SORCS1: variants seen among roughly 807,000 people sequenced by gnomAD.
SORCS1 encodes the protein sortilin related VPS10 domain containing receptor 1, also known as VPS10 domain-containing receptor SorCS1.
Under a neutral mutation model 146.1 loss-of-function variants are expected in SORCS1, and 60 were observed. The observed-to-expected ratio is 0.41, with a 90% CI of 0.33 to 0.51. SORCS1 has a LOEUF of 0.51. Among genes scored for constraint, SORCS1 ranks in the 20% least tolerant of loss-of-function variants. The probability of loss-of-function intolerance (pLI) is 0.21; values close to 1 mark genes in which losing one functional copy is unlikely to be tolerated. For synonymous variants in SORCS1, 637 were observed against 584.0 expected (o/e 1.09, Z -1.31); for missense variants, 1,352 against 1,487.6 (o/e 0.91, Z 1.50).
intron 2 of SORCS1, among the ~76,000 whole-genome samples, chr10:106,832,689 C>T (rs888676772): frequency 2.0e-5 from 3 of 151,778 alleles, no homozygotes; most frequent in East Asian, 1.9e-4. Flanking sequence ...TACCTGGGGG[C>T]GGGGATGGTG....
the SORCS1 span, among the ~76,000 whole-genome samples, chr10:107,170,583 A>C: frequency 6.6e-6 from 1 of 152,228 alleles, no homozygotes; most frequent in East Asian, 1.9e-4. Context: ...CAACTCTATA[A>C]AATGTACAGT....
At chr10:106,948,040 T>C (rs1954449702) in intron 2 of SORCS1, among the ~76,000 whole-genome samples, 1 of 152,190 alleles carries the variant, frequency 6.6e-6, no homozygotes, top group South Asian at 2.1e-4. Flanking sequence ...TTTTTTTCAA[T>C]GCATTCATCT....
At chr10:106,761,465 A>C in intron 5 of SORCS1, 123 bp downstream of exon 5, 1 of 766,650 alleles carries the variant, frequency 1.3e-6, no homozygotes, top group Non-Finnish European at 2.3e-6. Flanking sequence ...GGATGTGGGC[A>C]TGTCCCAATA....
intron 2 of SORCS1, among the ~76,000 whole-genome samples, chr10:106,851,740 A>G (rs996247050): frequency 4.6e-5 from 7 of 152,260 alleles, no homozygotes; most frequent in African/African-American, 1.4e-4. Context: ...CCACAAAATA[A>G]CTTGCTACAT....
intron 1 of SORCS1, among the ~76,000 whole-genome samples, chr10:107,160,408 A>G (rs116111150): frequency 0.019 from 2,853 of 152,280 alleles, 73 homozygotes; most frequent in African/African-American, 0.063. Flanking sequence ...ACACCTACAC[A>G]TGACATTTCT....
At chr10:107,146,911 G>A (rs777417854) in intron 1 of SORCS1, among the ~76,000 whole-genome samples, 4 of 152,026 alleles carry the variant, frequency 2.6e-5, no homozygotes, top group Admixed American at 1.3e-4. Context: ...CATGTCTAGC[G>A]AATAATAACA....
chr10:106,864,998 C>T (rs1343848600), intron 2 of SORCS1, among the ~76,000 whole-genome samples: 1 of 152,032 alleles, frequency 6.6e-6, no homozygotes, highest in Non-Finnish European at 1.5e-5. Flanking sequence ...CCTGAGACAG[C>T]TCCCAGAGGG....
intron 24 of SORCS1, among the ~76,000 whole-genome samples, chr10:106,583,661 G>A (rs891790827): frequency 6.6e-6 from 1 of 151,808 alleles, no homozygotes; most frequent in Non-Finnish European, 1.5e-5. Flanking sequence ...CTGCCACCAC[G>A]CATGGCTAAT....
chr10:107,136,041 T>C (rs1220168713), intron 1 of SORCS1, among the ~76,000 whole-genome samples: 1 of 152,142 alleles, frequency 6.6e-6, no homozygotes, highest in African/African-American at 2.4e-5. Flanking sequence ...AAATAACCTC[T>C]GGTTTTTCTT....
At chr10:107,031,973 T>C (rs1481919521) in intron 1 of SORCS1, among the ~76,000 whole-genome samples, 1 of 152,226 alleles carries the variant, frequency 6.6e-6, no homozygotes. Context: ...TATTCCATCA[T>C]GTTTAGAATC....
chr10:107,169,239 C>G (rs1736084708), upstream of SORCS1, among the ~76,000 whole-genome samples: 1 of 152,128 alleles, frequency 6.6e-6, no homozygotes, highest in African/African-American at 2.4e-5. Context: ...TTTGGCTCCC[C>G]TTGGATACCA....
chr10:106,907,436 G>GA (rs11366220), intron 2 of SORCS1, among the ~76,000 whole-genome samples: 1 of 151,716 alleles, frequency 6.6e-6, no homozygotes, highest in Non-Finnish European at 1.5e-5. Context: ...CATACATACA[G>GA]AAAAAAAGGA....
intron 2 of SORCS1, among the ~76,000 whole-genome samples, chr10:106,911,581 G>A (rs1952156723): frequency 6.6e-6 from 1 of 152,062 alleles, no homozygotes; most frequent in African/African-American, 2.4e-5. Context: ...CGATGTCACT[G>A]ACCCCACTAA....
intron 5 of SORCS1, among the ~76,000 whole-genome samples, chr10:106,739,875 C>T (rs1166206509): frequency 6.6e-6 from 1 of 151,470 alleles, no homozygotes; most frequent in Admixed American, 6.6e-5. Flanking sequence ...TGGCGTCAAC[C>T]CGGAGGCAGA....
chr10:106,932,032 G>C (rs1025200651), intron 2 of SORCS1, among the ~76,000 whole-genome samples: 2 of 152,084 alleles, frequency 1.3e-5, no homozygotes, highest in Non-Finnish European at 2.9e-5. Context: ...GCTTAGGAAA[G>C]CACAGGGTTT....
At chr10:106,869,280 C>G (rs960389612) in intron 2 of SORCS1, among the ~76,000 whole-genome samples, 1 of 152,152 alleles carries the variant, frequency 6.6e-6, no homozygotes, top group African/African-American at 2.4e-5. Context: ...GAGCTGGTAC[C>G]ATTCTTACTG....
chr10:106,726,417 A>G (rs1856196427), intron 6 of SORCS1, among the ~76,000 whole-genome samples: 1 of 148,352 alleles, frequency 6.7e-6, no homozygotes, highest in Non-Finnish European at 1.5e-5. Flanking sequence ...GAACTGATAC[A>G]TTTCATGCTT....
rs146688524 is a variant in SORCS1, at chr10:106,775,181, G to T, written c.885+1353C>A. Among the ~76,000 whole-genome samples the T allele has an allele frequency of 2.6e-5, 4 of 152,278 alleles. No individual in the cohort carries two copies. In the East Asian group the frequency reaches 7.7e-4, roughly 29 times the overall value. ...TGGTCCTCGCTGTGCCTCTGGCATC[G>T]GTGGGGGGGAATTAACCAACTGTCG... On this transcript the variant is annotated intron_variant, in intron 4 of 25. Transcript: ENST00000263054.
At chr10:107,049,623 T>G (rs1959917968) in intron 1 of SORCS1, among the ~76,000 whole-genome samples, 1 of 152,198 alleles carries the variant, frequency 6.6e-6, no homozygotes, top group African/African-American at 2.4e-5. Flanking sequence ...TGTTTTTCAC[T>G]TAGCATTGAA....
Sources: allele counts gnomAD v4.1 joint callset (sites outside exome capture counted in the v4.1 genomes callset), GRCh38; gene constraint gnomAD v4.1.1; transcripts MANE v1.5; gene names NCBI Gene and HGNC (gene_info 2026-07-23, HGNC 2026-07-21).